The following TMEM132C variants were observed in gnomAD, a reference collection of about 807,000 sequenced individuals.
The protein encoded by TMEM132C is transmembrane protein 132C.
TMEM132C carries 29 observed loss-of-function variants against 61.4 expected under a neutral mutation model. The observed-to-expected ratio is 0.47, with a 90% CI of 0.35 to 0.64. The LOEUF is 0.64. TMEM132C is among the 30% of genes least tolerant of loss of function. The pLI is 0.00. For missense variants in TMEM132C, 1,408 were observed against 1,476.9 expected (o/e 0.95, Z 0.76); for synonymous variants, 656 against 633.1 (o/e 1.04, Z -0.54).
chr12:128,508,777 C>T (rs1016807934), intron 2 of TMEM132C, among the ~76,000 whole-genome samples: 5 of 152,224 alleles, frequency 3.3e-5, no homozygotes, highest in East Asian at 1.9e-4. Flanking sequence ...TGTTGACACC[C>T]GTGCTCCCTC....
chr12:128,586,090 C>T (rs767885835), intron 3 of TMEM132C, among the ~76,000 whole-genome samples: 15 of 152,126 alleles, frequency 9.9e-5, no homozygotes, highest in Middle Eastern at 3.4e-3. Flanking sequence ...ACAAATAAAA[C>T]GGGAATATAT....
intron 2 of TMEM132C, among the ~76,000 whole-genome samples, chr12:128,439,961 TC>T (rs1869728874): frequency 6.6e-6 from 1 of 152,266 alleles, no homozygotes; most frequent in African/African-American, 2.4e-5. Flanking sequence ...CGAGGGCATG[TC>T]TGGCTGCTTC....
chr12:128,616,262 G>A lies in TMEM132C; in HGVS notation c.1232G>A (p.Gly411Glu). Residue 411 changes from glycine (G) to glutamate (E), a missense_variant, in exon 4 of 9, where the codon GGG (glycine) becomes GAG (glutamate). Gly to Glu is a moderately conservative substitution (Grantham distance 98). Coordinates refer to ENST00000435159, the MANE Select transcript of TMEM132C (RefSeq NM_001136103.3). ...TGGCAGGTGGAGTACCCACGGAAGG[G>A]GACCACAGACATCGCCGTGTCCGAG... ...ITWQVEYPRK[G>E]TTDIAVSEIF... 2 of 1,551,762 alleles carry A rather than the reference G, an allele frequency of 1.3e-6. No individual in the cohort carries two copies. The highest frequency in any genetic ancestry group is 1.7e-6 in the Non-Finnish European group (2 of 1,147,000).
At chr12:128,600,859 A>G (rs539128428) in intron 3 of TMEM132C, among the ~76,000 whole-genome samples, 2 of 152,306 alleles carry the variant, frequency 1.3e-5, no homozygotes, top group East Asian at 3.9e-4. Context: ...GAGTAGAGAA[A>G]GCCTTCTGTT....
At chr12:128,427,277 A>G (rs1488864883) in intron 2 of TMEM132C, among the ~76,000 whole-genome samples, 1 of 152,142 alleles carries the variant, frequency 6.6e-6, no homozygotes, top group African/African-American at 2.4e-5. Flanking sequence ...GCTTGTTGAA[A>G]GTCTTTCCTG....
intron 2 of TMEM132C, among the ~76,000 whole-genome samples, chr12:128,519,507 G>A (rs1046606425): frequency 6.6e-6 from 1 of 152,168 alleles, no homozygotes; most frequent in Admixed American, 6.5e-5. Context: ...TACAAGGCAT[G>A]TGTCCAGGCT....
chr12:128,683,655 G>C lies in TMEM132C; in HGVS notation c.1450-10174G>C, dbSNP rs148162052. Among the ~76,000 whole-genome samples, 5 of 152,328 alleles carry C rather than the reference G, an allele frequency of 3.3e-5. No individual in the cohort carries two copies. In the East Asian group the frequency reaches 9.7e-4, roughly 29 times the overall value. On this transcript the variant is annotated intron_variant, in intron 5 of 8. Coordinates refer to ENST00000435159, the MANE Select transcript of TMEM132C (RefSeq NM_001136103.3). ...ATATAAACTCTGAGAACAGAAACTA[G>C]TGTACAGCAGACACTTAATAAGTGT...
chr12:128,608,593 A>T (rs35832577), intron 3 of TMEM132C, among the ~76,000 whole-genome samples: 35 of 152,338 alleles, frequency 2.3e-4, no homozygotes, highest in African/African-American at 7.7e-4. Flanking sequence ...AAATAAAGAA[A>T]AAAAGAAAGT....
At chr12:128,331,913 A>C (rs1252602334) in intron 1 of TMEM132C, among the ~76,000 whole-genome samples, 1 of 152,218 alleles carries the variant, frequency 6.6e-6, no homozygotes, top group South Asian at 2.1e-4. Flanking sequence ...CACAAGCAAC[A>C]AAGTTGCTTC....
chr12:128,694,004 G>C lies in TMEM132C; in HGVS notation c.1625G>C (p.Gly542Ala). Reference protein sequence around the residue: ...VSDTELSQIKGWRVPIVTNKR... With the variant: ...VSDTELSQIKAWRVPIVTNKR... ...GACACGGAGCTCAGCCAGATAAAGG[G>C]CTGGAGGGTCCCCATTGTGACCAAT... The change falls in exon 6 of 9, where the codon GGC becomes GCC. Residue 542 changes from glycine to alanine, a missense_variant. Coordinates refer to ENST00000435159, the MANE Select transcript of TMEM132C (RefSeq NM_001136103.3). 6.4e-7 allele frequency: 1 copy of C among 1,551,706 alleles called. No homozygotes were observed. Among genetic ancestry groups the C allele is most frequent in the South Asian group, 1.2e-5 (1 of 84,060 alleles).
At chr12:128,532,880 T>C (rs979647507) in intron 2 of TMEM132C, among the ~76,000 whole-genome samples, 11 of 152,080 alleles carry the variant, frequency 7.2e-5, no homozygotes, top group Admixed American at 3.9e-4. Flanking sequence ...GCAGCAGCAA[T>C]ACCCATGCCA....
chr12:128,374,831 A>C (rs1274677661), intron 1 of TMEM132C, among the ~76,000 whole-genome samples: 2 of 151,170 alleles, frequency 1.3e-5, no homozygotes, highest in African/African-American at 4.9e-5. Flanking sequence ...GAGGAAGGAG[A>C]ATCGGTTTGA....
At chr12:128,379,047 T>C (rs981959668) in intron 1 of TMEM132C, among the ~76,000 whole-genome samples, 4 of 152,220 alleles carry the variant, frequency 2.6e-5, no homozygotes, top group Non-Finnish European at 5.9e-5. Context: ...GTGAGTCCAT[T>C]CAACCTCTTT....
chr12:128,475,021 C>T (rs993725541), intron 2 of TMEM132C, among the ~76,000 whole-genome samples: 2 of 152,040 alleles, frequency 1.3e-5, no homozygotes, highest in East Asian at 1.9e-4. Flanking sequence ...AATCCAGTGC[C>T]GAGGCTACAT....
chr12:128,370,273 C>G (rs1873991030), intron 1 of TMEM132C, among the ~76,000 whole-genome samples: 1 of 152,122 alleles, frequency 6.6e-6, no homozygotes, highest in East Asian at 1.9e-4. Flanking sequence ...CTCTGAGCAA[C>G]AGTCATAGGT....
At chr12:128,309,649 CT>C (rs1269686909) in intron 1 of TMEM132C, among the ~76,000 whole-genome samples, 10 of 152,166 alleles carry the variant, frequency 6.6e-5, no homozygotes, top group African/African-American at 2.4e-4. Context: ...ACCTCTGTGT[CT>C]GGCTTCTCTC....
At chr12:128,660,222 GTCC>G (rs1954373089) in intron 4 of TMEM132C, among the ~76,000 whole-genome samples, 1 of 152,196 alleles carries the variant, frequency 6.6e-6, no homozygotes, top group Non-Finnish European at 1.5e-5. Flanking sequence ...TGGTGTCACT[GTCC>G]AGCTGTGTGG....
chr12:128,328,241 G>T (rs189665884), intron 1 of TMEM132C, among the ~76,000 whole-genome samples: 2 of 152,140 alleles, frequency 1.3e-5, no homozygotes, highest in Admixed American at 1.3e-4. Flanking sequence ...CATAGACATG[G>T]TTGCTTAAAA....
At chr12:128,609,290 G>GCGTCCCTGCAACACTGTAA (rs1555235807) in intron 3 of TMEM132C, among the ~76,000 whole-genome samples, 1 of 58,064 alleles carries the variant, frequency 1.7e-5, no homozygotes, top group Non-Finnish European at 3.3e-5. Flanking sequence ...CAACACTGTA[G>GCGTCCCTGCAACACTGTAA]CCCCCGCCTC....
Sources: gnomAD v4.1 joint callset for allele counts (sites outside exome capture counted in the v4.1 genomes callset) on GRCh38, gnomAD v4.1.1 for gene constraint, MANE v1.5 for transcripts, NCBI Gene and HGNC (gene_info 2026-07-23, HGNC 2026-07-21) for gene names.